The following SEC14L5 variants were observed in gnomAD, a reference collection of about 807,000 sequenced individuals.
SEC14L5 encodes SEC14-like protein 5.
A neutral mutation model predicts 84.6 loss-of-function variants in SEC14L5; 96 were observed. The observed-to-expected ratio is 1.13, with a 90% CI of 0.96 to 1.34. SEC14L5 has a LOEUF of 1.34. Ranked by LOEUF, SEC14L5 falls within the 40% of genes most tolerant of loss-of-function variation. The pLI, the probability that SEC14L5 is intolerant of heterozygous loss-of-function variation, is 0.00. For missense variants in SEC14L5, 1,224 were observed against 942.5 expected (o/e 1.30, Z -3.91); for synonymous variants, 546 against 383.4 (o/e 1.42, Z -4.95).
At chr16:4,977,949 C>T (rs1187491041) in intron 2 of SEC14L5, among the ~76,000 whole-genome samples, 2 of 150,076 alleles carry the variant, frequency 1.3e-5, no homozygotes, top group Non-Finnish European at 3.0e-5. Flanking sequence ...TACAGGTGCG[C>T]ACCACCACGC....
chr16:4,978,761 C>G (rs931560337), intron 2 of SEC14L5, among the ~76,000 whole-genome samples: 3 of 147,650 alleles, frequency 2.0e-5, no homozygotes, highest in Non-Finnish European at 4.4e-5. Context: ...TGCCACCACG[C>G]TCGGCTAATC....
intron 6 of SEC14L5, among the ~76,000 whole-genome samples, chr16:4,993,831 C>T (rs1349916355): frequency 6.6e-6 from 1 of 152,122 alleles, no homozygotes; most frequent in Non-Finnish European, 1.5e-5. Context: ...GACTTCACTC[C>T]AGCTCCCCAC....
intron 2 of SEC14L5, among the ~76,000 whole-genome samples, chr16:4,960,254 A>T (rs1596609044): frequency 6.6e-6 from 1 of 152,202 alleles, no homozygotes; most frequent in African/African-American, 2.4e-5. Flanking sequence ...GGAGTAAATG[A>T]GATAGTTCTT....
intron 7 of SEC14L5, 74 bp downstream of exon 7, chr16:4,996,534 G>T: frequency 1.3e-6 from 1 of 744,946 alleles, no homozygotes; most frequent in East Asian, 2.7e-5. Flanking sequence ...GCATGGGAAG[G>T]AAAGGCGAGA....
chr16:4,997,905 C>A (rs1038190804), intron 8 of SEC14L5, among the ~76,000 whole-genome samples: 3 of 151,958 alleles, frequency 2.0e-5, no homozygotes, highest in African/African-American at 7.3e-5. Flanking sequence ...CTCATAAGGA[C>A]CCCAGGAGAT....
At chr16:5,004,821 C>G (rs748323157) in intron 11 of SEC14L5, among the ~76,000 whole-genome samples, 1 of 152,178 alleles carries the variant, frequency 6.6e-6, no homozygotes, top group Non-Finnish European at 1.5e-5. Context: ...TGGCTTAGAG[C>G]TCAGTGTTAA....
At chr16:4,982,397 G>A (rs1266938165) in intron 2 of SEC14L5, among the ~76,000 whole-genome samples, 3 of 152,156 alleles carry the variant, frequency 2.0e-5, no homozygotes, top group Non-Finnish European at 2.9e-5. Context: ...GCTGGGATAC[G>A]CCCCCACCAC....
chr16:4,961,359 C>G (rs1955119590), intron 2 of SEC14L5, among the ~76,000 whole-genome samples: 1 of 152,208 alleles, frequency 6.6e-6, no homozygotes, highest in Admixed American at 6.6e-5. Context: ...GACTGAGTCT[C>G]ACTCTGTTGC....
chr16:4,987,402 G>C (rs1247982959), intron 2 of SEC14L5, among the ~76,000 whole-genome samples, 155 bp from the exon 3 acceptor site: 1 of 151,654 alleles, frequency 6.6e-6, no homozygotes, highest in African/African-American at 2.4e-5. Context: ...CTGGTGGAAC[G>C]ATTGTTGGTA....
At chr16:4,992,123 C>T (rs1015454747) in intron 6 of SEC14L5, 93 bp downstream of exon 6, 3 of 859,374 alleles carry the variant, frequency 3.5e-6, no homozygotes, top group South Asian at 1.9e-5. Context: ...GGGAGAATTG[C>T]CTGCCGTCCC....
intron 2 of SEC14L5, among the ~76,000 whole-genome samples, chr16:4,974,886 T>C (rs989471714): frequency 6.6e-6 from 1 of 151,962 alleles, no homozygotes; most frequent in Non-Finnish European, 1.5e-5. Context: ...CAAGCGATTC[T>C]CCTGCCTCAG....
At position 4,962,696 on chromosome 16, in the gene SEC14L5, A is replaced by AAC. The variant is rs1375730588; in HGVS notation, c.63+3311_63+3312insCA. 2.6e-5 allele frequency among the ~76,000 whole-genome samples: 4 copies of AAC among 151,358 alleles called. No homozygotes were observed. The East Asian group carries it at 7.7e-4, about 29-fold the overall frequency. ...AGTGAAACTCTGTCTCAAAAAAAAA[A>AAC]AAAAAAAAAAAACTTCCTTATCTGT... On this transcript the variant is annotated intron_variant, in intron 2 of 15. Coordinates refer to ENST00000251170, the MANE Select transcript of SEC14L5 (RefSeq NM_014692.2).
Position 4,991,918 on chromosome 16 carries a change from A to G in SEC14L5, c.555A>G (p.Pro185=). The G allele has an allele frequency of 1.2e-6, 2 of 1,607,242 alleles. No individual in the cohort carries two copies. The highest frequency in any genetic ancestry group is 8.5e-7 in the Non-Finnish European group (1 of 1,178,654). Reference sequence around the variant, plus strand: ...ACATTCCGCGCTGGACGCCTGCCCCAGTCCGTGAGGAGGATGCCCGCAACC... The same window carrying G: ...ACATTCCGCGCTGGACGCCTGCCCCGGTCCGTGAGGAGGATGCCCGCAACC... ...TSHIPRWTPA[P]VREEDARNQA... The change falls in exon 6 of 16, where the codon CCA becomes CCG. Residue 185 remains proline, a synonymous_variant. Coordinates refer to ENST00000251170, the MANE Select transcript of SEC14L5 (RefSeq NM_014692.2).
In SEC14L5 at chr16:5,003,578, G is replaced by T. The variant is rs370305201; in HGVS notation, c.1302+5G>T. 1 of 1,543,244 alleles carries T rather than the reference G, an allele frequency of 6.5e-7. No individual in the cohort carries two copies. Among genetic ancestry groups the T allele is most frequent in the Admixed American group, 1.8e-5 (1 of 54,888 alleles). ...TTCCCCGTGCTCTGGACACTGGTAA[G>T]AGCTGGAGCCTGGGCCAGGACTCTC... is the stretch of plus-strand genomic sequence containing the variant. On this transcript the variant is annotated splice_donor_5th_base_variant and intron_variant, in intron 11 of 15. Coordinates refer to ENST00000251170, the MANE Select transcript of SEC14L5 (RefSeq NM_014692.2).
chr16:4,963,217 C>G (rs1300333647), intron 2 of SEC14L5, among the ~76,000 whole-genome samples: 2 of 152,170 alleles, frequency 1.3e-5, no homozygotes, highest in East Asian at 1.9e-4. Context: ...TGGCTTTAAA[C>G]ATTTTTAAAA....
At chr16:4,976,311 C>T (rs1345432874) in intron 2 of SEC14L5, among the ~76,000 whole-genome samples, 1 of 152,172 alleles carries the variant, frequency 6.6e-6, no homozygotes, top group African/African-American at 2.4e-5. Flanking sequence ...CCAACCCAGG[C>T]CCCAGAGCCC....
chr16:4,974,057 G>A (rs541269913), intron 2 of SEC14L5, among the ~76,000 whole-genome samples: 1 of 152,186 alleles, frequency 6.6e-6, no homozygotes, highest in Non-Finnish European at 1.5e-5. Context: ...AGTCGGATGA[G>A]TGGTTGTCTA....
Position 5,015,314 on chromosome 16 carries a change from C to G in SEC14L5, c.*344C>G, listed in dbSNP as rs2142541388. On this transcript the variant is annotated 3_prime_UTR_variant, in exon 16 of 16. Coordinates refer to ENST00000251170, the MANE Select transcript of SEC14L5 (RefSeq NM_014692.2). ...CTGTCCACCTCTTGCTCTGCTTTCG[C>G]CATGCAGGGGACCATCACTATCAGG... 1 of 253,620 alleles carries G rather than the reference C, an allele frequency of 3.9e-6. No homozygotes were observed. The highest frequency in any genetic ancestry group is 7.6e-6 in the Non-Finnish European group (1 of 131,578). 15.7% of individuals were successfully genotyped at this position (253,620 alleles called of 1,614,324 possible).
intron 11 of SEC14L5, 130 bp downstream of exon 11, chr16:5,003,703 A>G (rs1036212413): frequency 9.4e-6 from 6 of 640,402 alleles, no homozygotes; most frequent in Non-Finnish European, 1.6e-5. Context: ...TGAAACTCAC[A>G]TAGCATAAAG....
Sources: allele counts gnomAD v4.1 joint callset (sites outside exome capture counted in the v4.1 genomes callset), GRCh38; gene constraint gnomAD v4.1.1; transcripts MANE v1.5; gene names NCBI Gene and HGNC (gene_info 2026-07-23, HGNC 2026-07-21).